EGFLAM: variants seen among roughly 807,000 people sequenced by gnomAD.
EGFLAM encodes EGF like, fibronectin type III and laminin G domains.
EGFLAM carries 79 observed loss-of-function variants against 113.1 expected under a neutral mutation model. The observed-to-expected ratio is 0.70, with a 90% confidence interval of 0.58 to 0.84. EGFLAM has a LOEUF of 0.84. Ranked by LOEUF, EGFLAM falls within the 40% of genes least tolerant of loss-of-function variation. The probability of loss-of-function intolerance (pLI) is 0.00; values close to 1 mark genes in which losing one functional copy is unlikely to be tolerated. For missense variants in EGFLAM, 1,265 were observed against 1,291.6 expected, an observed-to-expected ratio of 0.98 and a Z score of 0.32; for synonymous variants, 504 against 487.6, an observed-to-expected ratio of 1.03 and a Z score of -0.44.
At chr5:38,398,524 A>G (rs950576760) in intron 6 of EGFLAM, among the ~76,000 whole-genome samples, 4 of 152,256 alleles carry the variant, frequency 2.6e-5, no homozygotes, top group African/African-American at 9.6e-5. Context: ...TTGCACAGAA[A>G]TATAAAAGAA....
Position 38,464,004 on chromosome 5 carries a change from C to G in EGFLAM, c.*18C>G. 6.2e-7 allele frequency: 1 copy of G among 1,614,118 alleles called. No individual in the cohort carries two copies. The highest frequency in any genetic ancestry group is 8.5e-7 in the Non-Finnish European group (1 of 1,180,010). On this transcript the variant is annotated 3_prime_UTR_variant, in exon 22 of 22. Transcript: ENST00000322350. ...CCAAGTAACACCAGCTGGCCTTGTC[C>G]AAGGGACAGAGCCTTCTATTCTGAG...
At chr5:38,370,969 A>G (rs996489658) in intron 6 of EGFLAM, among the ~76,000 whole-genome samples, 32 of 152,220 alleles carry the variant, frequency 2.1e-4, no homozygotes, top group African/African-American at 7.5e-4. Flanking sequence ...GTATGTTCTC[A>G]TAGTGCCTAG....
At chr5:38,311,966 T>A (rs1240368663) in intron 1 of EGFLAM, among the ~76,000 whole-genome samples, 1 of 152,176 alleles carries the variant, frequency 6.6e-6, no homozygotes, top group Non-Finnish European at 1.5e-5. Context: ...TCCAGTGGTT[T>A]GGAAGGGGAG....
At chr5:38,274,462 G>C (rs955469691) in intron 1 of EGFLAM, among the ~76,000 whole-genome samples, 1 of 152,106 alleles carries the variant, frequency 6.6e-6, no homozygotes, top group African/African-American at 2.4e-5. Context: ...CAAGAGAAAA[G>C]GAGCAAATAA....
intron 1 of EGFLAM, chr5:38,282,278 G>A (rs1758037573): frequency 6.7e-6 from 1 of 149,022 alleles, no homozygotes; most frequent in Non-Finnish European, 1.5e-5. Context: ...AATGAAAATA[G>A]TTTATTTGAA....
intron 10 of EGFLAM, among the ~76,000 whole-genome samples, chr5:38,410,885 G>C (rs554277237): frequency 1.3e-5 from 2 of 152,300 alleles, no homozygotes; most frequent in South Asian, 2.1e-4. Flanking sequence ...TTTATTATTT[G>C]AGAGTTTGGA....
At chr5:38,329,934 G>A (rs1362681737) in intron 1 of EGFLAM, among the ~76,000 whole-genome samples, 1 of 152,158 alleles carries the variant, frequency 6.6e-6, no homozygotes, top group Non-Finnish European at 1.5e-5. Context: ...GTGTGAAAGA[G>A]CAAATAAATG....
In EGFLAM at chr5:38,464,086, G is replaced by A; in HGVS notation, c.*100G>A. 2 of 1,461,652 alleles carry A rather than the reference G, an allele frequency of 1.4e-6. No individual in the cohort carries two copies. Among genetic ancestry groups the A allele is most frequent in the Non-Finnish European group, 1.9e-6 (2 of 1,078,526 alleles). 90.5% of individuals were successfully genotyped at this position (1,461,652 alleles called of 1,614,324 possible). On this transcript the variant is annotated 3_prime_UTR_variant, in exon 22 of 22. Transcript: ENST00000322350. ...CTATATGCAGAGGCCCAGGGACCAG[G>A]TGTGTTTCCTCTCACCAAGAAGAAA...
chr5:38,435,745 C>T (rs888224231), intron 16 of EGFLAM, among the ~76,000 whole-genome samples: 1 of 147,968 alleles, frequency 6.8e-6, no homozygotes, highest in Non-Finnish European at 1.5e-5. Context: ...TTAAAGAGTT[C>T]TTCCCTAGAA....
At chr5:38,368,360 A>G (rs1007718263) in intron 5 of EGFLAM, among the ~76,000 whole-genome samples, 14 of 152,190 alleles carry the variant, frequency 9.2e-5, no homozygotes, top group Admixed American at 6.5e-5. Context: ...TGCTTCCTCC[A>G]TGGGCATACC....
At position 38,407,114 on chromosome 5, in the gene EGFLAM, C is replaced by T; in HGVS notation, c.1115C>T (p.Thr372Ile). The change falls in exon 8 of 22, where the codon ACC becomes ATC. Residue 372 changes from threonine (T) to isoleucine (I), a missense_variant. Coordinates refer to ENST00000322350, the MANE Select transcript of EGFLAM (RefSeq NM_152403.4). ...YTWGGSRCQC[T>I]LGKGGESCSE... ...TGGGGGGGCTCGCGATGCCAGTGCA[C>T]CCTGGGCAAAGGTGGTGAGAGCTGC... 1.2e-6 allele frequency: 2 copies of T among 1,613,998 alleles called. No homozygotes were observed. The highest frequency in any genetic ancestry group is 2.2e-5 in the East Asian group (1 of 44,870).
rs11451294 is a variant in EGFLAM at position 38,394,711 on chromosome 5, C to CTTTTTTTTT, written c.713-11403_713-11395dup. On this transcript the variant is annotated intron_variant, in intron 6 of 21. Transcript: ENST00000322350. ...GGCGTGAGCCACCGCGCCGGGCCCACTTTTTTTTTTTTTTTTTTTTAACTC... is the reference window on the plus strand; with the variant it reads ...GGCGTGAGCCACCGCGCCGGGCCCACTTTTTTTTTTTTTTTTTTTTTTTTTTTTTAACTC... Among the ~76,000 whole-genome samples, 101 of 121,678 alleles carry CTTTTTTTTT rather than the reference C, an allele frequency of 8.3e-4. 2 individuals carry two copies. Among genetic ancestry groups the CTTTTTTTTT allele is most frequent in the African/African-American group, 3.1e-3 (95 of 30,196 alleles). The allele number at this position is 121,678 out of a possible 152,430, so 79.8% of individuals were successfully genotyped here. A position where few individuals can be genotyped will look rare whatever the true frequency, so the allele number is the denominator to read the frequency against.
chr5:38,376,586 T>G (rs1740370756), intron 6 of EGFLAM, among the ~76,000 whole-genome samples: 1 of 152,188 alleles, frequency 6.6e-6, no homozygotes, highest in Non-Finnish European at 1.5e-5. Flanking sequence ...ACCTGCTGTT[T>G]CCTGGGCTTT....
intron 1 of EGFLAM, among the ~76,000 whole-genome samples, chr5:38,311,590 T>G (rs1304772802): frequency 6.6e-6 from 1 of 152,252 alleles, no homozygotes; most frequent in Non-Finnish European, 1.5e-5. Flanking sequence ...CGTCCATTGA[T>G]GGACAAACCT....
At chr5:38,458,173 A>G (rs1180440486) in intron 19 of EGFLAM, 138 bp from the exon 20 acceptor site, 1 of 678,414 alleles carries the variant, frequency 1.5e-6, no homozygotes, top group Non-Finnish European at 2.4e-6. Context: ...CAACTTTTAT[A>G]ACACTCTTGT....
At chr5:38,383,234 C>T (rs188795593) in intron 6 of EGFLAM, among the ~76,000 whole-genome samples, 8 of 152,264 alleles carry the variant, frequency 5.3e-5, no homozygotes, top group South Asian at 2.1e-4. Context: ...ATTTCTTCAG[C>T]GTTCTTTGGC....
At chr5:38,274,881 A>G (rs1757848312) in intron 1 of EGFLAM, among the ~76,000 whole-genome samples, 1 of 152,240 alleles carries the variant, frequency 6.6e-6, no homozygotes, top group Admixed American at 6.5e-5. Context: ...CTGTTTAATG[A>G]TAACTACAAT....
intron 20 of EGFLAM, among the ~76,000 whole-genome samples, chr5:38,461,532 A>C (rs565687356): frequency 6.6e-6 from 1 of 152,098 alleles, no homozygotes; most frequent in South Asian, 2.1e-4. Flanking sequence ...TTTTAAAGGC[A>C]GGGCAAGCAA....
At chr5:38,314,290 G>C (rs1738533578) in intron 1 of EGFLAM, among the ~76,000 whole-genome samples, 1 of 152,140 alleles carries the variant, frequency 6.6e-6, no homozygotes, top group Admixed American at 6.5e-5. Context: ...CATAAATTAA[G>C]TTTTTATACA....
Sources: gnomAD v4.1 joint callset for allele counts (sites outside exome capture counted in the v4.1 genomes callset) on GRCh38, gnomAD v4.1.1 for gene constraint, MANE v1.5 for transcripts, NCBI Gene and HGNC (gene_info 2026-07-23, HGNC 2026-07-21) for gene names.